The following WIPI1 variants were observed in gnomAD, a reference collection of about 807,000 sequenced individuals.
The protein encoded by WIPI1 is WD repeat domain, phosphoinositide interacting 1, also known as WD repeat domain phosphoinositide-interacting protein 1.
WIPI1 carries 45 observed loss-of-function variants against 55.3 expected under a neutral mutation model. That is an observed-to-expected ratio of 0.81 (90% confidence interval 0.64 to 1.04). The LOEUF is 1.04. Ranked by LOEUF, WIPI1 falls within the 50% of genes least tolerant of loss-of-function variation. The pLI is 0.00. For missense variants in WIPI1, 445 were observed against 559.0 expected, an observed-to-expected ratio of 0.80 and a Z score of 2.06; for synonymous variants, 195 against 217.6, an observed-to-expected ratio of 0.90 and a Z score of 0.92.
At chr17:68,424,489 A>C (rs2083020478) in intron 12 of WIPI1, 1 of 534,708 alleles carries the variant, frequency 1.9e-6, no homozygotes, top group Admixed American at 1.9e-5. Context: ...GATCAGGAGA[A>C]GTTTCCATAA....
chr17:68,448,404 G>C (rs1404239839), intron 3 of WIPI1: 2 of 152,208 alleles, frequency 1.3e-5, no homozygotes, highest in Non-Finnish European at 2.9e-5. Flanking sequence ...TCCGACGTTA[G>C]ATCTTGGTTC....
In WIPI1 at chr17:68,452,963, T is replaced by TACCC; in HGVS notation, c.106_109dup (p.Tyr37TrpfsTer3). 3 of 1,614,084 alleles carry TACCC rather than the reference T, an allele frequency of 1.9e-6. No homozygotes were observed. The South Asian group carries it at 3.3e-5, about 18-fold the overall frequency. ...CACAGAACTCAGAGAAAACAGCTTATACCCGGCTTTAGTTCCAGTTGCTAG... is the reference window on the plus strand; with the variant it reads ...CACAGAACTCAGAGAAAACAGCTTATACCCACCCGGCTTTAGTTCCAGTTGCTAG... On this transcript the variant is annotated frameshift_variant, in exon 2 of 13. Transcript: ENST00000262139. LOFTEE classifies it high-confidence loss of function.
chr17:68,437,599 G>A (rs1486832277), intron 4 of WIPI1, among the ~76,000 whole-genome samples: 1 of 151,864 alleles, frequency 6.6e-6, no homozygotes, highest in Non-Finnish European at 1.5e-5. Flanking sequence ...CAAATGCCCT[G>A]CCTTGATAAG....
chr17:68,450,066 T>C (rs2084437723), intron 3 of WIPI1, among the ~76,000 whole-genome samples: 1 of 152,158 alleles, frequency 6.6e-6, no homozygotes, highest in Non-Finnish European at 1.5e-5. Flanking sequence ...GGAAATCTGC[T>C]AACACCCCCA....
In WIPI1 at chr17:68,452,899, C is replaced by A. The variant is rs1231816360; in HGVS notation, c.163+11G>T. 1 of 1,613,052 alleles carries A rather than the reference C, an allele frequency of 6.2e-7. No homozygotes were observed. On this transcript the variant is annotated intron_variant, in intron 2 of 12. Transcript: ENST00000262139. ...CTGCAGATCCCTGAGGTCTCTCTCA[C>A]ACACACTTACTGCTTCCGTGGACTT...
chr17:68,436,979 G>A (rs1406950511), intron 4 of WIPI1, among the ~76,000 whole-genome samples: 6 of 140,416 alleles, frequency 4.3e-5, no homozygotes, highest in African/African-American at 1.4e-4. Flanking sequence ...GGGCTACAGA[G>A]TGAGACCCCG....
chr17:68,426,819 G>A (rs1440173552), intron 11 of WIPI1, among the ~76,000 whole-genome samples: 1 of 152,214 alleles, frequency 6.6e-6, no homozygotes, highest in Non-Finnish European at 1.5e-5. Flanking sequence ...ACAGGTGTGA[G>A]CCAATGTGCC....
At position 68,450,709 on chromosome 17, in the gene WIPI1, G is replaced by C; in HGVS notation, c.333+19C>G. On this transcript the variant is annotated intron_variant, in intron 3 of 12. Transcript: ENST00000262139. Reference sequence around the variant, plus strand: ...CCGTTAGCAGAAGCTTTGAAACCCTGAGGGATTTCCCCACTTACTTGCCGG... The same window carrying C: ...CCGTTAGCAGAAGCTTTGAAACCCTCAGGGATTTCCCCACTTACTTGCCGG... 3 of 1,598,964 alleles carry C rather than the reference G, an allele frequency of 1.9e-6. No individual in the cohort carries two copies. The highest frequency in any genetic ancestry group is 2.6e-6 in the Non-Finnish European group (3 of 1,173,238).
At chr17:68,439,836 C>G (rs950611754) in intron 4 of WIPI1, among the ~76,000 whole-genome samples, 3 of 152,146 alleles carry the variant, frequency 2.0e-5, no homozygotes, top group African/African-American at 7.2e-5. Context: ...CCAGATTTAA[C>G]ACTTCAAGAT....
At chr17:68,439,857 C>A (rs893428060) in intron 4 of WIPI1, among the ~76,000 whole-genome samples, 1 of 152,122 alleles carries the variant, frequency 6.6e-6, no homozygotes, top group Non-Finnish European at 1.5e-5. Context: ...GCCAAGCCTT[C>A]GTTTCTTACT....
At position 68,423,483 on chromosome 17, in the gene WIPI1, A is replaced by G. The variant is rs923150428; in HGVS notation, c.1294-1663T>C. 6.6e-6 allele frequency among the ~76,000 whole-genome samples: 1 copy of G among 152,182 alleles called. No homozygotes were observed. Among genetic ancestry groups the G allele is most frequent in the East Asian group, 1.9e-4 (1 of 5,182 alleles). ...GCTGCCACGACACAGCCCTGCACAC[A>G]GGGGCTGCTTGACACTCACAAGGGT... On this transcript the variant is annotated intron_variant, in intron 12 of 12. Transcript: ENST00000262139. This position sits in a 1 kb window ranked among gnomAD's most constrained non-coding sequence, Gnocchi z 4.4.
Position 68,438,259 on chromosome 17 carries a change from C to T in WIPI1, c.431-1780G>A, listed in dbSNP as rs142631164. Among the ~76,000 whole-genome samples, 86 of 133,882 alleles carry T rather than the reference C, an allele frequency of 6.4e-4. 1 individual carries two copies. The South Asian group carries it at 0.012, about 19-fold the overall frequency. 87.8% of individuals were successfully genotyped at this position (133,882 alleles called of 152,430 possible). On this transcript the variant is annotated intron_variant, in intron 4 of 12. Coordinates refer to ENST00000262139, the MANE Select transcript of WIPI1 (RefSeq NM_017983.7). The stretch of plus-strand genomic sequence containing the variant: ...GCACGTTCTGGCAGCCCTGCCACCC[C>T]TTTGGCGATACAAGGTCATTCCTGG...
chr17:68,424,894 A>AAACAC (rs2083057109), intron 12 of WIPI1, among the ~76,000 whole-genome samples: 1 of 152,164 alleles, frequency 6.6e-6, no homozygotes, highest in Admixed American at 6.5e-5. Context: ...AAACAAAACA[A>AAACAC]ATCAGTACTT....
At chr17:68,443,121 TG>T (rs2084148130) in intron 4 of WIPI1, among the ~76,000 whole-genome samples, 1 of 152,186 alleles carries the variant, frequency 6.6e-6, no homozygotes, top group Admixed American at 6.5e-5. Context: ...ATTTATTCAT[TG>T]TTTTTTGAGA....
intron 12 of WIPI1, chr17:68,422,466 T>A (rs2082861436): frequency 6.7e-6 from 1 of 150,308 alleles, no homozygotes; most frequent in Non-Finnish European, 1.5e-5. Context: ...GCGCAGTGGC[T>A]CACACCTGTA....
intron 11 of WIPI1, 79 bp from the exon 12 acceptor site, chr17:68,426,254 G>GGGGGGGC: frequency 1.2e-6 from 1 of 816,924 alleles, no homozygotes. Context: ...GGGAGCGGGG[G>GGGGGGGC]CTCAAATAAA....
chr17:68,441,555 T>C (rs2084077666), intron 4 of WIPI1, among the ~76,000 whole-genome samples: 1 of 152,158 alleles, frequency 6.6e-6, no homozygotes, highest in African/African-American at 2.4e-5. Context: ...GAATGTATAA[T>C]TGGCAGGGCG....
chr17:68,424,463 A>G (rs770939948), intron 12 of WIPI1: 10 of 534,702 alleles, frequency 1.9e-5, no homozygotes, highest in Non-Finnish European at 3.5e-5. Flanking sequence ...TGGAAGCTCA[A>G]TGGACACAAA....
chr17:68,426,979 G>C (rs1292716140), intron 11 of WIPI1, among the ~76,000 whole-genome samples, 156 bp downstream of exon 11: 1 of 152,118 alleles, frequency 6.6e-6, no homozygotes, highest in East Asian at 1.9e-4. Flanking sequence ...AATTCAAGGA[G>C]AGCACTCCAC....
Sources: allele counts gnomAD v4.1 joint callset (sites outside exome capture counted in the v4.1 genomes callset), GRCh38; gene constraint gnomAD v4.1.1; non-coding constraint Gnocchi (gnomAD v3.1); transcripts MANE v1.5; gene names NCBI Gene and HGNC (gene_info 2026-07-23, HGNC 2026-07-21).